The following FMO2 variants were observed in gnomAD, a reference collection of about 807,000 sequenced individuals.
FMO2 encodes flavin-containing monooxygenase 2.
Under a neutral mutation model 41.6 loss-of-function variants are expected in FMO2, and 33 were observed. That is an observed-to-expected ratio of 0.79 (90% CI 0.60 to 1.06). The LOEUF is 1.06. Ranked by LOEUF, FMO2 falls within the 50% of genes least tolerant of loss-of-function variation. The pLI is 0.00. For synonymous variants in FMO2, 214 were observed against 219.6 expected (o/e 0.97, Z 0.23); for missense variants, 619 against 632.9 (o/e 0.98, Z 0.23).
In FMO2 at chr1:171,205,396, T is replaced by G. The variant is rs1434455836; in HGVS notation, c.945T>G (p.Asp315Glu). The G allele has an allele frequency of 6.2e-7, 1 of 1,613,744 alleles. No individual in the cohort carries two copies. Among genetic ancestry groups the G allele is most frequent in the South Asian group, 1.1e-5 (1 of 91,084 alleles). The stretch of plus-strand genomic sequence containing the variant: ...CAGAAACTTCTGCCATCTTTGAGGA[T>G]GGAACAGTGGAGGAGAACATTGATG... ...ELTETSAIFEDGTVEENIDVI... is the reference protein window; with the variant it reads ...ELTETSAIFEEGTVEENIDVI... The change falls in exon 7 of 9, where the codon GAT becomes GAG. Residue 315 changes from aspartate (D) to glutamate (E), a missense_variant. Coordinates refer to ENST00000209929, the MANE Select transcript of FMO2 (RefSeq NM_001460.5).
intron 2 of FMO2, among the ~76,000 whole-genome samples, chr1:171,188,380 A>G (rs1657942302): frequency 6.6e-6 from 1 of 152,232 alleles, no homozygotes; most frequent in Non-Finnish European, 1.5e-5. Context: ...ATTAGGCTTT[A>G]TTGAATATTA....
At chr1:171,188,179 C>T (rs2101977677) in intron 2 of FMO2, among the ~76,000 whole-genome samples, 1 of 152,086 alleles carries the variant, frequency 6.6e-6, no homozygotes, top group South Asian at 2.1e-4. Flanking sequence ...ATACTCACAT[C>T]CCACAGATTT....
In FMO2 at chr1:171,196,422, A is replaced by G. The variant is rs1658314303; in HGVS notation, c.322-227A>G. Among the ~76,000 whole-genome samples the G allele has an allele frequency of 2.0e-5, 3 of 152,034 alleles. No homozygotes were observed. The South Asian group carries it at 6.2e-4, about 32-fold the overall frequency. The stretch of plus-strand genomic sequence containing the variant: ...GCTCTTTCTGGCCTTTCCCAATTCT[A>G]TTTGTCGGGTTTCTTAACATTAGTG... On this transcript the variant is annotated intron_variant, in intron 3 of 8. Transcript: ENST00000209929.
At chr1:171,197,157 G>C (rs1051066963) in intron 4 of FMO2, among the ~76,000 whole-genome samples, 3 of 152,104 alleles carry the variant, frequency 2.0e-5, no homozygotes, top group Admixed American at 2.0e-4. Flanking sequence ...CTTTTTCACA[G>C]GGCCATACTC....
chr1:171,195,940 A>C (rs2101991905), intron 3 of FMO2, among the ~76,000 whole-genome samples: 1 of 152,376 alleles, frequency 6.6e-6, no homozygotes, highest in South Asian at 2.1e-4. Flanking sequence ...GCACTCTGCA[A>C]AGTGTTTTGC....
chr1:171,209,119 T>C lies in FMO2; in HGVS notation c.1582T>C (p.Phe528Leu), dbSNP rs2102019546. The change falls in exon 9 of 9, where the codon TTT becomes CTT. Residue 528 changes from phenylalanine (F) to leucine (L), a missense_variant. Physicochemically the swap from Phe to Leu is conservative, Grantham distance 22. Coordinates refer to ENST00000209929, the MANE Select transcript of FMO2 (RefSeq NM_001460.5). ...GGGCCTTCTTGCTGTTGTTGTGGCC[T>C]TTTTTTGCCAACTTCAATGGTCCTA... ...ILGLLAVVVA[F>L]FCQLQWS 3.1e-6 allele frequency: 2 copies of C among 651,566 alleles called. No individual in the cohort carries two copies. Among genetic ancestry groups the C allele is most frequent in the East Asian group, 2.9e-5 (1 of 34,160 alleles). 40.4% of individuals were successfully genotyped at this position (651,566 alleles called of 1,614,324 possible).
chr1:171,193,506 A>T lies in FMO2; in HGVS notation c.304A>T (p.Lys102Ter). ...TTTTGCTAAAAAATTTGATCTGCTA[A>T]AATATATTCAGTTCCAGGTATTGTA... is the stretch of plus-strand genomic sequence containing the variant. ...RIFAKKFDLL[K>*]YIQFQTTVLS... The change falls in exon 3 of 9, where the codon AAA becomes TAA. Residue 102 changes from lysine (K) to a stop codon, truncating the protein, a stop_gained. Transcript: ENST00000209929. LOFTEE classifies it high-confidence loss of function. 1 of 1,601,538 alleles carries T rather than the reference A, an allele frequency of 6.2e-7. No individual in the cohort carries two copies. Among genetic ancestry groups the T allele is most frequent in the South Asian group, 1.1e-5 (1 of 90,730 alleles).
chr1:171,189,107 C>T (rs1657971053), intron 2 of FMO2: 1 of 152,162 alleles, frequency 6.6e-6, no homozygotes, highest in Non-Finnish European at 1.5e-5. Flanking sequence ...AATAACCTTG[C>T]TGAAGTATTG....
intron 2 of FMO2, 71 bp downstream of exon 2, chr1:171,185,916 G>A: frequency 1.4e-6 from 2 of 1,426,526 alleles, no homozygotes; most frequent in Non-Finnish European, 9.8e-7. Flanking sequence ...TTACTGATGG[G>A]TCATATTGAG....
intron 2 of FMO2, among the ~76,000 whole-genome samples, chr1:171,191,337 GCCAAC>G (rs1658075181): frequency 1.3e-5 from 2 of 152,110 alleles, no homozygotes; most frequent in Non-Finnish European, 2.9e-5. Flanking sequence ...TGATAGAGAA[GCCAAC>G]CACATTTTTA....
At chr1:171,203,426 G>A (rs1658620326) in intron 5 of FMO2, among the ~76,000 whole-genome samples, 1 of 152,018 alleles carries the variant, frequency 6.6e-6, no homozygotes. Flanking sequence ...GGGATATTCA[G>A]ATGCATATAC....
At chr1:171,186,760 G>T (rs1048714812) in intron 2 of FMO2, among the ~76,000 whole-genome samples, 2 of 152,156 alleles carry the variant, frequency 1.3e-5, no homozygotes, top group Non-Finnish European at 2.9e-5. Flanking sequence ...AACTTAGAAA[G>T]TTGCATAGAT....
intron 4 of FMO2, among the ~76,000 whole-genome samples, chr1:171,197,181 G>A (rs1386801744): frequency 6.6e-6 from 1 of 152,162 alleles, no homozygotes; most frequent in Non-Finnish European, 1.5e-5. Context: ...CACAAGGGGA[G>A]AGCTCCTAGA....
Position 171,212,447 on chromosome 1 carries a change from G to A in FMO2, c.*3302G>A, listed in dbSNP as rs779249976. 6.6e-6 allele frequency among the ~76,000 whole-genome samples: 1 copy of A among 152,052 alleles called. No individual in the cohort carries two copies. Reference sequence around the variant, plus strand: ...ATATTCTGTTACAGAAACACAAAATGGACTAAGACACCACCCTTTTCCAAA... The same window carrying A: ...ATATTCTGTTACAGAAACACAAAATAGACTAAGACACCACCCTTTTCCAAA... On this transcript the variant is annotated 3_prime_UTR_variant, in exon 9 of 9. Transcript: ENST00000209929.
At chr1:171,187,012 C>A (rs1657880730) in intron 2 of FMO2, among the ~76,000 whole-genome samples, 1 of 152,118 alleles carries the variant, frequency 6.6e-6, no homozygotes, top group Non-Finnish European at 1.5e-5. Flanking sequence ...TAAATGTTAG[C>A]TACTAATAAT....
rs145420492 is a variant in FMO2, at chr1:171,203,955, C to T, written c.718C>T (p.Arg240Cys). ...GGACTCAGTGTTCCACACCCGGTTT[C>T]GTTCTATGCTCCGCAATGTACTGCC... ...PWDSVFHTRF[R>C]SMLRNVLPRT... The change falls in exon 6 of 9, where the codon CGT (arginine) becomes TGT (cysteine). Residue 240 changes from arginine (R) to cysteine (C), a missense_variant. Transcript: ENST00000209929. 2.3e-5 allele frequency: 37 copies of T among 1,613,610 alleles called. No homozygotes were observed. The highest frequency in any genetic ancestry group is 2.9e-5 in the Non-Finnish European group (34 of 1,179,780).
In FMO2 at chr1:171,193,415, C is replaced by T; in HGVS notation, c.213C>T (p.Asp71=). ...GCAAAGAAATGTCCTGTTTCAGTGA[C>T]TTTCCAATGCCTGAAGATTTTCCAA... The part of the protein sequence containing the change: ...NTSKEMSCFS[D]FPMPEDFPNF... Residue 71 remains aspartate, a synonymous_variant, in exon 3 of 9, where the codon GAC becomes GAT. Transcript: ENST00000209929. 6.2e-7 allele frequency: 1 copy of T among 1,611,792 alleles called. No homozygotes were observed. Among genetic ancestry groups the T allele is most frequent in the Non-Finnish European group, 8.5e-7 (1 of 1,178,044 alleles).
intron 7 of FMO2, among the ~76,000 whole-genome samples, chr1:171,205,870 G>GA (rs1658741194): frequency 6.6e-6 from 1 of 152,282 alleles, no homozygotes. Flanking sequence ...ACAGTCAAGA[G>GA]AATTTCAACT....
chr1:171,185,664 G>T (rs372455133), intron 1 of FMO2, 44 bp from the exon 2 acceptor site: 2 of 1,604,792 alleles, frequency 1.2e-6, no homozygotes, highest in East Asian at 2.2e-5. Flanking sequence ...TTCTCTTACC[G>T]GTTGTCCCAG....
Sources: gnomAD v4.1 joint callset for allele counts (sites outside exome capture counted in the v4.1 genomes callset) on GRCh38, gnomAD v4.1.1 for gene constraint, MANE v1.5 for transcripts, NCBI Gene and HGNC (gene_info 2026-07-23, HGNC 2026-07-21) for gene names.